Variants in TRIM49B observed in about 807,000 individuals in gnomAD.
The protein encoded by TRIM49B is putative tripartite motif-containing protein 49B.
Under a neutral mutation model 31.8 loss-of-function variants are expected in TRIM49B, and 18 were observed. The observed-to-expected ratio is 0.57, with a 90% CI of 0.39 to 0.84. TRIM49B has a LOEUF of 0.84. Ranked by LOEUF, TRIM49B falls within the 40% of genes least tolerant of loss-of-function variation. The pLI, the probability that TRIM49B is intolerant of heterozygous loss-of-function variation, is 0.00. For missense variants in TRIM49B, 494 were observed against 538.7 expected (o/e 0.92, Z 0.82); for synonymous variants, 196 against 180.6 (o/e 1.09, Z -0.68).
At position 49,037,676 on chromosome 11, in the gene TRIM49B, G is replaced by A. The variant is rs1854550762; in HGVS notation, c.1058G>A (p.Trp353Ter). The A allele has an allele frequency of 3.1e-6, 5 of 1,613,804 alleles. No individual in the cohort carries two copies. Among genetic ancestry groups the A allele is most frequent in the Admixed American group, 1.7e-5 (1 of 59,988 alleles). Residue 353 changes from tryptophan to a stop codon, truncating the protein, a stop_gained, in exon 7 of 7, where the codon TGG becomes TAG. Coordinates refer to ENST00000332682, the MANE Select transcript of TRIM49B (RefSeq NM_001206626.2). LOFTEE classifies it low-confidence loss of function (END_TRUNC). ...WEVHVGDSWN[W>*]AFGVCNMYWK... ...GTCCATGTAGGGGACTCCTGGAATT[G>A]GGCTTTTGGTGTCTGTAATATGTAT...
At position 49,031,906 on chromosome 11, in the gene TRIM49B, T is replaced by G. The variant is rs768469503; in HGVS notation, c.307T>G (p.Phe103Val). ...CACTCACAGGGAGACAAAGAAGATG[T>G]TCTGTGAAGTGGACAGGAGCCTGCT... ...CGTHRETKKM[F>V]CEVDRSLLCL... The change falls in exon 2 of 7, where the codon TTC becomes GTC. Residue 103 changes from phenylalanine to valine, a missense_variant. Coordinates refer to ENST00000332682, the MANE Select transcript of TRIM49B (RefSeq NM_001206626.2). The G allele has an allele frequency of 6.2e-7, 1 of 1,612,676 alleles. No individual in the cohort carries two copies. The highest frequency in any genetic ancestry group is 2.2e-5 in the East Asian group (1 of 44,874).
chr11:49,035,203 C>T (rs1854507128), intron 5 of TRIM49B, 86 bp downstream of exon 5: 1 of 1,576,752 alleles, frequency 6.3e-7, no homozygotes, highest in African/African-American at 1.4e-5. Context: ...GGCATAAAGT[C>T]ATGGCATAAA....
chr11:49,037,345 C>A, intron 6 of TRIM49B, 133 bp from the exon 7 acceptor site: 1 of 1,183,204 alleles, frequency 8.5e-7, no homozygotes, highest in Non-Finnish European at 1.2e-6. Flanking sequence ...TAATATTAAC[C>A]ATCTCTATAC....
chr11:49,034,643 T>A lies in TRIM49B; in HGVS notation c.738+267T>A, dbSNP rs369874567. On this transcript the variant is annotated intron_variant, in intron 4 of 6. Transcript: ENST00000332682. The stretch of plus-strand genomic sequence containing the variant: ...AAGAAATATTCCCCATCTAATTCAA[T>A]AATATACTTTGGGTTGTTAAACATG... Among the ~76,000 whole-genome samples the A allele has an allele frequency of 7.9e-5, 12 of 152,092 alleles. 1 individual carries two copies. The highest frequency in any genetic ancestry group is 5.9e-4 in the Admixed American group (9 of 15,274).
In TRIM49B at chr11:49,031,921, A is replaced by G; in HGVS notation, c.322A>G (p.Arg108Gly). 1 of 1,612,248 alleles carries G rather than the reference A, an allele frequency of 6.2e-7. No individual in the cohort carries two copies. Among genetic ancestry groups the G allele is most frequent in the South Asian group, 1.1e-5 (1 of 90,992 alleles). The change falls in exon 2 of 7, where the codon AGG becomes GGG. Residue 108 changes from arginine (R) to glycine (G), a missense_variant. Arg to Gly is a moderately radical substitution (Grantham distance 125, BLOSUM62 -2). This residue lies in a region of TRIM49B where 251 missense variants were observed against 232.8 expected (regional missense o/e 1.08). Coordinates refer to ENST00000332682, the MANE Select transcript of TRIM49B (RefSeq NM_001206626.2). ...ETKKMFCEVD[R>G]SLLCLLCSSS... The stretch of plus-strand genomic sequence containing the variant: ...AAAGAAGATGTTCTGTGAAGTGGAC[A>G]GGAGCCTGCTCTGTTTGCTGTGCTC...
intron 1 of TRIM49B, among the ~76,000 whole-genome samples, chr11:49,030,989 T>C (rs1854437118): frequency 1.3e-5 from 1 of 77,582 alleles, no homozygotes; most frequent in Non-Finnish European, 2.7e-5. Flanking sequence ...GTTTATTTGG[T>C]TGGTGGGCTT....
At chr11:49,035,518 C>G (rs922632073) in intron 5 of TRIM49B, among the ~76,000 whole-genome samples, 18 of 151,904 alleles carry the variant, frequency 1.2e-4, no homozygotes, top group African/African-American at 4.3e-4. Context: ...CGCCACCACA[C>G]CCGGCTAATT....
At chr11:49,036,229 T>A (rs769461607) in intron 5 of TRIM49B, 72 bp from the exon 6 acceptor site, 50 of 1,600,182 alleles carry the variant, frequency 3.1e-5, no homozygotes, top group Non-Finnish European at 3.7e-5. Context: ...ATGAAATGTC[T>A]TTTACATACA....
At chr11:49,035,840 A>G (rs535716681) in intron 5 of TRIM49B, among the ~76,000 whole-genome samples, 1 of 152,200 alleles carries the variant, frequency 6.6e-6, no homozygotes, top group South Asian at 2.1e-4. Context: ...TCTGAAAAAT[A>G]GATCGAAAAA....
intron 1 of TRIM49B, among the ~76,000 whole-genome samples, chr11:49,030,171 T>TA (rs1381827407): frequency 4.6e-5 from 7 of 151,726 alleles, no homozygotes; most frequent in East Asian, 3.9e-4. Context: ...CCATCTCTAC[T>TA]AAAAAAAATA....
Position 49,032,305 on chromosome 11 carries a change from G to T in TRIM49B, c.441G>T (p.Leu147Phe). 4 of 1,613,130 alleles carry T rather than the reference G, an allele frequency of 2.5e-6. No individual in the cohort carries two copies. The Middle Eastern group carries it at 6.9e-4, about 277-fold the overall frequency. Residue 147 changes from leucine (L) to phenylalanine (F), a missense_variant, in exon 3 of 7, where the codon TTG becomes TTT. Physicochemically the swap from Leu to Phe is conservative, Grantham distance 22. Transcript: ENST00000332682. ...QEKLLQKMQS[L>F]WEKACENHRN... ...AGCTTTTACAGAAAATGCAGTCTTTGTGGGAAAAAGCTTGTGAAAATCACA... is the reference window on the plus strand; with the variant it reads ...AGCTTTTACAGAAAATGCAGTCTTTTTGGGAAAAAGCTTGTGAAAATCACA...
chr11:49,038,007 G>A lies in TRIM49B; in HGVS notation c.*30G>A. 1 of 1,591,514 alleles carries A rather than the reference G, an allele frequency of 6.3e-7. No individual in the cohort carries two copies. Among genetic ancestry groups the A allele is most frequent in the Non-Finnish European group, 8.5e-7 (1 of 1,170,312 alleles). Reference sequence around the variant, plus strand: ...AGACAAATCAGAAATGTGTTCACATGCTGTGGGAACCCCTTTATCCCAGGA... The same window carrying A: ...AGACAAATCAGAAATGTGTTCACATACTGTGGGAACCCCTTTATCCCAGGA... On this transcript the variant is annotated 3_prime_UTR_variant, in exon 7 of 7. Coordinates refer to ENST00000332682, the MANE Select transcript of TRIM49B (RefSeq NM_001206626.2).
chr11:49,033,340 A>G (rs1854477646), intron 3 of TRIM49B, among the ~76,000 whole-genome samples: 1 of 152,158 alleles, frequency 6.6e-6, no homozygotes, highest in East Asian at 1.9e-4. Context: ...GGTGGTCAGA[A>G]AAAAGACTCA....
At position 49,031,961 on chromosome 11, in the gene TRIM49B, A is replaced by G. The variant is rs758109954; in HGVS notation, c.362A>G (p.His121Arg). Reference protein sequence around the residue: ...LCLLCSSSQEHRDHRHCPIES... With the variant: ...LCLLCSSSQERRDHRHCPIES... Reference sequence around the variant, plus strand: ...TTGCTGTGCTCCAGCTCTCAGGAGCACCGGGATCACAGACACTGTCCCATT... The same window carrying G: ...TTGCTGTGCTCCAGCTCTCAGGAGCGCCGGGATCACAGACACTGTCCCATT... The change falls in exon 2 of 7, where the codon CAC becomes CGC. Residue 121 changes from histidine (H) to arginine (R), a missense_variant. By Grantham distance (29) the His-to-Arg change is conservative (BLOSUM62 0). Around this residue, in one of 3 missense-constraint regions of TRIM49B, gnomAD observed 251 missense variants for 232.8 expected, o/e 1.08. Transcript: ENST00000332682. The G allele has an allele frequency of 4.3e-6, 7 of 1,611,902 alleles. No individual in the cohort carries two copies. The Admixed American group carries it at 8.3e-5, about 19-fold the overall frequency.
At chr11:49,035,207 G>A (rs1375762611) in intron 5 of TRIM49B, 90 bp downstream of exon 5, 3 of 1,573,202 alleles carry the variant, frequency 1.9e-6, no homozygotes, top group Non-Finnish European at 2.6e-6. Context: ...TAAAGTCATG[G>A]CATAAATAAT....
At chr11:49,033,999 A>C in intron 3 of TRIM49B, 147 bp from the exon 4 acceptor site, 1 of 1,358,826 alleles carries the variant, frequency 7.4e-7, no homozygotes, top group Admixed American at 2.0e-5. Flanking sequence ...ACGCAGAAAA[A>C]AGGAAAGGAA....
chr11:49,031,285 G>A (rs1447306042), intron 1 of TRIM49B, among the ~76,000 whole-genome samples: 1 of 152,044 alleles, frequency 6.6e-6, no homozygotes, highest in Non-Finnish European at 1.5e-5. Context: ...GATTTATTCT[G>A]ACCACTTAGA....
At position 49,029,666 on chromosome 11, in the gene TRIM49B, T is replaced by G. The variant is rs187040621; in HGVS notation, c.-5+691T>G. 5.3e-4 allele frequency among the ~76,000 whole-genome samples: 80 copies of G among 152,214 alleles called. No homozygotes were observed. In the East Asian group the frequency reaches 0.012, roughly 22 times the overall value. On this transcript the variant is annotated intron_variant, in intron 1 of 6. Transcript: ENST00000332682. ...AAACTAGCAGCTTTATGCTGCTTTA[T>G]GCTAAAGGACTTAAAATTGCCAAAA...
At chr11:49,032,143 A>C (rs1269040034) in intron 2 of TRIM49B, 133 bp downstream of exon 2, 15 of 1,585,606 alleles carry the variant, frequency 9.5e-6, no homozygotes, top group Middle Eastern at 2.3e-4. Flanking sequence ...TTAGCTTCCA[A>C]CCTCTGGGCT....
Sources: gnomAD v4.1 joint callset for allele counts (sites outside exome capture counted in the v4.1 genomes callset) on GRCh38, gnomAD v4.1.1 for gene constraint, gnomAD v4.1.1 regional missense constraint, MANE v1.5 for transcripts, NCBI Gene and HGNC (gene_info 2026-07-23, HGNC 2026-07-21) for gene names.